Variants in DNMT1 observed in about 807,000 individuals in gnomAD.
DNMT1 encodes DNA (cytosine-5)-methyltransferase 1.
In DNMT1, 24 loss-of-function variants were observed where a neutral mutation model predicts 205.3. That is an observed-to-expected ratio of 0.12 (90% CI 0.08 to 0.16). The LOEUF (loss-of-function observed/expected upper bound fraction) is 0.16, where lower values mean the gene tolerates loss of function less well. Ranked by LOEUF, DNMT1 falls within the 10% of genes least tolerant of loss-of-function variation. The pLI, the probability that DNMT1 is intolerant of heterozygous loss-of-function variation, is 1.00. For synonymous variants in DNMT1, 817 were observed against 839.8 expected, an observed-to-expected ratio of 0.97 and a Z score of 0.47; for missense variants, 1,293 against 2,177.7, an observed-to-expected ratio of 0.59 and a Z score of 8.09.
At chr19:10,185,846 A>G (rs549794695) in intron 1 of DNMT1, among the ~76,000 whole-genome samples, 2 of 150,044 alleles carry the variant, frequency 1.3e-5, no homozygotes, top group East Asian at 3.9e-4. Flanking sequence ...CTCAAAAGAA[A>G]AAAAAAAAAA....
intron 29 of DNMT1, among the ~76,000 whole-genome samples, chr19:10,142,493 A>C (rs1428790314): frequency 1.4e-5 from 2 of 146,578 alleles, no homozygotes; most frequent in African/African-American, 2.5e-5. Flanking sequence ...AAGATCCCCC[A>C]AGTTAGGGAA....
At chr19:10,182,874 T>C (rs2039097880) in intron 1 of DNMT1, among the ~76,000 whole-genome samples, 1 of 151,308 alleles carries the variant, frequency 6.6e-6, no homozygotes. Flanking sequence ...CCATGTTGGT[T>C]AAGCTGGTCT....
At chr19:10,143,673 G>A (rs1235368834) in intron 29 of DNMT1, 93 bp downstream of exon 29, 2 of 1,431,074 alleles carry the variant, frequency 1.4e-6, no homozygotes, top group African/African-American at 1.4e-5. Flanking sequence ...CTAACTCTTA[G>A]AACAACTGTG....
chr19:10,135,544 A>G (rs1483625715), intron 39 of DNMT1, 192 bp downstream of exon 39: 5 of 641,942 alleles, frequency 7.8e-6, no homozygotes, highest in South Asian at 7.0e-5. Context: ...AGGAACCAGC[A>G]TAGGGACGCA....
intron 1 of DNMT1, among the ~76,000 whole-genome samples, chr19:10,193,904 T>C (rs1412290041): frequency 6.6e-6 from 1 of 152,078 alleles, no homozygotes; most frequent in African/African-American, 2.4e-5. Flanking sequence ...ACTGATGGCG[T>C]TCATGAACAA....
At position 10,173,875 on chromosome 19, in the gene DNMT1, C is replaced by T; in HGVS notation, c.679G>A (p.Glu227Lys). ...DEKRRRVTSR[E>K]RVARPLPAEE... ...AGGTATAGTAACTATTCTTACCGTT[C>T]TCTGGATGTAACTCTACGTCTCTTC... is the stretch of plus-strand genomic sequence containing the variant. Residue 227 changes from glutamate (E) to lysine (K), a missense_variant, in exon 8 of 41, where the codon GAA becomes AAA. Transcript: ENST00000359526. 1 of 1,613,884 alleles carries T rather than the reference C, an allele frequency of 6.2e-7. No homozygotes were observed. Among genetic ancestry groups the T allele is most frequent in the African/African-American group, 1.3e-5 (1 of 75,020 alleles).
Position 10,149,476 on chromosome 19 carries a change from G to T in DNMT1, c.2563C>A (p.Pro855Thr), listed in dbSNP as rs781003939. Reference protein sequence around the residue: ...HSKVKVIYKAPSENWAMEGGM... With the variant: ...HSKVKVIYKATSENWAMEGGM... Reference sequence around the variant, plus strand: ...ACCTCCATGGCCCAGTTTTCGGAGGGGGCTTTGTAGATGACTTTCACTTTG... The same window carrying T: ...ACCTCCATGGCCCAGTTTTCGGAGGTGGCTTTGTAGATGACTTTCACTTTG... The change falls in exon 26 of 41, where the codon CCC (proline) becomes ACC (threonine). Residue 855 changes from proline to threonine, a missense_variant. Physicochemically the swap from Pro to Thr is conservative, Grantham distance 38. This residue lies in a region of DNMT1 where 197 missense variants were observed against 353.6 expected (regional missense o/e 0.56). Transcript: ENST00000359526. 8.1e-6 allele frequency: 13 copies of T among 1,614,118 alleles called. No individual in the cohort carries two copies. The highest frequency in any genetic ancestry group is 9.3e-6 in the Non-Finnish European group (11 of 1,180,014).
chr19:10,191,869 G>A (rs1176181587), intron 1 of DNMT1, among the ~76,000 whole-genome samples: 1 of 151,058 alleles, frequency 6.6e-6, no homozygotes, highest in East Asian at 1.9e-4. Flanking sequence ...ACAGAGTTTC[G>A]CTCCTGTTGC....
chr19:10,144,020 C>T, intron 28 of DNMT1, 33 bp from the exon 29 acceptor site: 2 of 1,608,486 alleles, frequency 1.2e-6, no homozygotes, highest in Middle Eastern at 1.9e-4. Flanking sequence ...CATCAATGAA[C>T]CTTCCACCTT....
chr19:10,194,692 C>T (rs1459122582), intron 1 of DNMT1, 128 bp downstream of exon 1: 6 of 1,290,820 alleles, frequency 4.6e-6, no homozygotes, highest in African/African-American at 1.6e-5. Flanking sequence ...TGCCGCTGCG[C>T]GCCGCACCAC....
chr19:10,154,488 G>C lies in DNMT1; in HGVS notation c.1833-9C>G. On this transcript the variant is annotated splice_polypyrimidine_tract_variant and intron_variant, in intron 21 of 40. Transcript: ENST00000359526. The surrounding 1 kb of genome is among the most constrained non-coding windows in gnomAD (Gnocchi z 6.3). The stretch of plus-strand genomic sequence containing the variant: ...GCCTCGCCTGGGCTCGCCTACGGGA[G>C]AGGTTCCAGCATCTCAGAGGACTGG... The C allele has an allele frequency of 6.2e-7, 1 of 1,614,184 alleles. No individual in the cohort carries two copies. Among genetic ancestry groups the C allele is most frequent in the Non-Finnish European group, 8.5e-7 (1 of 1,180,030 alleles).
chr19:10,168,874 G>C (rs1264512822), intron 9 of DNMT1, among the ~76,000 whole-genome samples: 2 of 152,168 alleles, frequency 1.3e-5, no homozygotes, highest in East Asian at 1.9e-4. Context: ...GTCTCACTCT[G>C]TTACCCAGGC....
Position 10,168,448 on chromosome 19 carries a change from C to T in DNMT1, c.769-84G>A, listed in dbSNP as rs1233076540. On this transcript the variant is annotated intron_variant, in intron 9 of 40. Transcript: ENST00000359526. ...TAAAGTGTCCTATGGAAATAAAACACCTGAACTGATTCTAGAGTCCACTGG... is the reference window on the plus strand; with the variant it reads ...TAAAGTGTCCTATGGAAATAAAACATCTGAACTGATTCTAGAGTCCACTGG... The T allele has an allele frequency of 2.8e-6, 4 of 1,413,034 alleles. No individual in the cohort carries two copies. The Admixed American group carries it at 6.9e-5, about 24-fold the overall frequency. 87.5% of individuals were successfully genotyped at this position (1,413,034 alleles called of 1,614,324 possible).
rs1207445455 is a variant in DNMT1, at chr19:10,138,802, T to C, written c.3949-197A>G. On this transcript the variant is annotated intron_variant, in intron 34 of 40. Transcript: ENST00000359526. This position sits in a 1 kb window ranked among gnomAD's most constrained non-coding sequence, Gnocchi z 4.1. ...GGAGCAGATAAAGAACAAAAGCAGC[T>C]GAGCCCAGGGGACAGCCACTGGGGA... is the stretch of plus-strand genomic sequence containing the variant. Among the ~76,000 whole-genome samples, 1 of 152,184 alleles carries C rather than the reference T, an allele frequency of 6.6e-6. No individual in the cohort carries two copies. The highest frequency in any genetic ancestry group is 1.5e-5 in the Non-Finnish European group (1 of 68,034).
In DNMT1 at chr19:10,172,004, C is replaced by T. The variant is rs142707071; in HGVS notation, c.768+1086G>A. On this transcript the variant is annotated intron_variant, in intron 9 of 40. Transcript: ENST00000359526. ...CCTGGGTGATAGAGCGGGAGACTGTCTCAAAAAAAAAAAATTAAATTAAAT... is the reference window on the plus strand; with the variant it reads ...CCTGGGTGATAGAGCGGGAGACTGTTTCAAAAAAAAAAAATTAAATTAAAT... Among the ~76,000 whole-genome samples the T allele has an allele frequency of 2.4e-3, 356 of 148,216 alleles. 1 individual carries two copies. The highest frequency in any genetic ancestry group is 8.6e-3 in the African/African-American group (345 of 40,118).
Position 10,138,307 on chromosome 19 carries a change from C to T in DNMT1, c.4115+132G>A. 1.4e-6 allele frequency: 2 copies of T among 1,410,144 alleles called. No individual in the cohort carries two copies. Among genetic ancestry groups the T allele is most frequent in the Non-Finnish European group, 2.0e-6 (2 of 1,022,718 alleles). The allele number at this position is 1,410,144 out of a possible 1,614,324, so 87.4% of individuals were successfully genotyped here. A position where few individuals can be genotyped will look rare whatever the true frequency, so the allele number is the denominator to read the frequency against. On this transcript the variant is annotated intron_variant, in intron 35 of 40. Transcript: ENST00000359526. The surrounding 1 kb of genome is among the most constrained non-coding windows in gnomAD (Gnocchi z 4.1). ...CCACAGGTGGCAGAGTGCCATGTGGCAGAGCACCGTGTGGCAGGGCAGATG... is the reference window on the plus strand; with the variant it reads ...CCACAGGTGGCAGAGTGCCATGTGGTAGAGCACCGTGTGGCAGGGCAGATG...
At chr19:10,155,749 C>T (rs996718144) in intron 19 of DNMT1, 104 bp downstream of exon 19, 132 of 1,261,612 alleles carry the variant, frequency 1.0e-4, no homozygotes, top group Non-Finnish European at 2.6e-5. Flanking sequence ...TGGCCTTCTG[C>T]AAGCCTGCTG....
At chr19:10,142,245 G>A in intron 29 of DNMT1, 25 bp from the exon 30 acceptor site, 1 of 1,613,630 alleles carries the variant, frequency 6.2e-7, no homozygotes, top group African/African-American at 1.3e-5. Context: ...GGCCTCGTTA[G>A]GAGCTCTCCT....
At chr19:10,153,407 G>A (rs935831671) in intron 22 of DNMT1, among the ~76,000 whole-genome samples, 4 of 152,132 alleles carry the variant, frequency 2.6e-5, no homozygotes, top group African/African-American at 9.7e-5. Flanking sequence ...GCCGAGGTAG[G>A]TAGATCACTT....
Sources: gnomAD v4.1 joint callset for allele counts (sites outside exome capture counted in the v4.1 genomes callset) on GRCh38, gnomAD v4.1.1 for gene constraint, gnomAD v4.1.1 regional missense constraint, Gnocchi (gnomAD v3.1) non-coding constraint, MANE v1.5 for transcripts, NCBI Gene and HGNC (gene_info 2026-07-23, HGNC 2026-07-21) for gene names.